TAMM41: variants seen among roughly 807,000 people sequenced by gnomAD.
The protein encoded by TAMM41 is TAM41 mitochondrial translocator assembly and maintenance homolog, also known as phosphatidate cytidylyltransferase, mitochondrial.
In TAMM41, 36 loss-of-function variants were observed where a neutral mutation model predicts 44.1. The observed-to-expected ratio is 0.82, with a 90% CI of 0.63 to 1.08. TAMM41 has a LOEUF of 1.08. TAMM41 is among the 50% of genes least tolerant of loss of function. The pLI, the probability that TAMM41 is intolerant of heterozygous loss-of-function variation, is 0.00. For synonymous variants in TAMM41, 164 were observed against 153.1 expected (o/e 1.07, Z -0.53); for missense variants, 417 against 404.3 (o/e 1.03, Z -0.27).
At chr3:11,774,014 G>C in the TAMM41 span, among the ~76,000 whole-genome samples, 1 of 152,194 alleles carries the variant, frequency 6.6e-6, no homozygotes, top group Admixed American at 6.5e-5. Context: ...ACTTGAACCA[G>C]GAAGGAGAGG....
chr3:11,843,874 T>C, intron 2 of TAMM41, 155 bp downstream of exon 2: 2 of 756,830 alleles, frequency 2.6e-6, no homozygotes, highest in Middle Eastern at 2.4e-4. Context: ...TATAAGAATA[T>C]ACATACTATA....
At chr3:11,793,059 C>CAAAAAAAAAAAA (rs61264653) in intron 7 of TAMM41, among the ~76,000 whole-genome samples, 11 of 65,118 alleles carry the variant, frequency 1.7e-4, no homozygotes, top group Admixed American at 6.3e-4. Flanking sequence ...GGCCCCATCT[C>CAAAAAAAAAAAA]AAAAAAAAAA....
chr3:11,823,254 G>GTTTTTTTTTT (rs912198535), intron 4 of TAMM41, among the ~76,000 whole-genome samples: 2 of 126,760 alleles, frequency 1.6e-5, no homozygotes, highest in African/African-American at 2.9e-5. Flanking sequence ...TGTTGTTGTT[G>GTTTTTTTTTT]TTTTTTTTTT....
chr3:11,765,074 C>T, the TAMM41 span, among the ~76,000 whole-genome samples: 1 of 152,192 alleles, frequency 6.6e-6, no homozygotes, highest in Non-Finnish European at 1.5e-5. Context: ...TTATAGCTTT[C>T]ATTTAAAATA....
the TAMM41 span, among the ~76,000 whole-genome samples, chr3:11,775,662 G>A: frequency 1.2e-4 from 19 of 152,260 alleles, no homozygotes; most frequent in South Asian, 2.9e-3. Context: ...AAAGATAACC[G>A]TTTGCGCAGC....
intron 6 of TAMM41, 56 bp downstream of exon 6, chr3:11,809,460 CA>C: frequency 6.3e-7 from 1 of 1,594,406 alleles, no homozygotes; most frequent in East Asian, 2.2e-5. Flanking sequence ...CAATCACAAA[CA>C]AAGTCTGCTT....
chr3:11,836,026 G>A (rs1427470453), intron 3 of TAMM41, among the ~76,000 whole-genome samples: 7 of 145,860 alleles, frequency 4.8e-5, no homozygotes, highest in Admixed American at 7.1e-5. Flanking sequence ...GTCTCGCTGC[G>A]TCACCTAGGC....
chr3:11,802,813 C>A (rs903716041), intron 7 of TAMM41, among the ~76,000 whole-genome samples: 1 of 152,182 alleles, frequency 6.6e-6, no homozygotes, highest in Non-Finnish European at 1.5e-5. Flanking sequence ...AAAATACTAG[C>A]AAATTAAATC....
chr3:11,783,576 G>T, the TAMM41 span, among the ~76,000 whole-genome samples: 1 of 152,216 alleles, frequency 6.6e-6, no homozygotes, highest in East Asian at 1.9e-4. Flanking sequence ...AAATCAGGAC[G>T]ATGTCATTTG....
At chr3:11,725,429 T>TCCTCCC in the TAMM41 span, among the ~76,000 whole-genome samples, 1 of 107,714 alleles carries the variant, frequency 9.3e-6, no homozygotes, top group African/African-American at 4.0e-5. Context: ...TCTTCTTTCC[T>TCCTCCC]CCTCCTCCTC....
At chr3:11,822,181 C>A (rs575146726) in intron 4 of TAMM41, among the ~76,000 whole-genome samples, 1 of 152,182 alleles carries the variant, frequency 6.6e-6, no homozygotes, top group South Asian at 2.1e-4. Context: ...CTACCTCAGG[C>A]AGCAAACAGT....
the TAMM41 span, among the ~76,000 whole-genome samples, chr3:11,752,414 CTGCTGATTGGTCCATTTTACAGAA>C: frequency 2.0e-5 from 3 of 152,004 alleles, no homozygotes; most frequent in African/African-American, 4.8e-5. Context: ...TGCCCACATC[CTGCTGATTGGTCCATTTTACAGAA>C]TGCTGATTGG....
intron 6 of TAMM41, chr3:11,809,194 T>C (rs1469516700): frequency 1.1e-5 from 4 of 354,256 alleles, no homozygotes; most frequent in Non-Finnish European, 5.1e-6. Context: ...CCAATCTCTT[T>C]TCTCAGACCA....
At chr3:11,782,561 A>AT in the TAMM41 span, among the ~76,000 whole-genome samples, 3 of 151,780 alleles carry the variant, frequency 2.0e-5, no homozygotes, top group Admixed American at 6.6e-5. Context: ...AAAAAAAAAA[A>AT]GAAAAAAAAA....
At chr3:11,769,995 T>C in the TAMM41 span, among the ~76,000 whole-genome samples, 4 of 152,226 alleles carry the variant, frequency 2.6e-5, no homozygotes, top group Non-Finnish European at 5.9e-5. Flanking sequence ...AGGAGAAGCC[T>C]AGAAAACAAG....
At chr3:11,743,258 G>A in the TAMM41 span, among the ~76,000 whole-genome samples, 2 of 151,960 alleles carry the variant, frequency 1.3e-5, no homozygotes, top group African/African-American at 4.8e-5. Flanking sequence ...GGGGTGGTTT[G>A]GGCATTGTTT....
chr3:11,730,072 T>A, the TAMM41 span, among the ~76,000 whole-genome samples: 1 of 152,170 alleles, frequency 6.6e-6, no homozygotes, highest in East Asian at 1.9e-4. Flanking sequence ...AAAAGACCTT[T>A]GGAGAATCTC....
chr3:11,809,482 C>A, intron 6 of TAMM41, 35 bp downstream of exon 6: 1 of 1,610,010 alleles, frequency 6.2e-7, no homozygotes, highest in African/African-American at 1.3e-5. Flanking sequence ...TTCCCCATGG[C>A]TGGCATTTCC....
intron 5 of TAMM41, chr3:11,810,891 T>A (rs187187667): frequency 1.1e-4 from 16 of 150,082 alleles, no homozygotes; most frequent in African/African-American, 3.7e-4. Flanking sequence ...GAGTGAGATA[T>A]CCGGCTCTAC....
Sources: gnomAD v4.1 joint callset for allele counts (sites outside exome capture counted in the v4.1 genomes callset) on GRCh38, gnomAD v4.1.1 for gene constraint, MANE v1.5 for transcripts, NCBI Gene and HGNC (gene_info 2026-07-23, HGNC 2026-07-21) for gene names.